Variants in PDE3B observed in about 807,000 individuals in gnomAD.
PDE3B encodes the protein phosphodiesterase 3B, also known as cGMP-inhibited 3',5'-cyclic phosphodiesterase 3B.
PDE3B carries 66 observed loss-of-function variants against 116.8 expected under a neutral mutation model. The ratio of observed to expected loss-of-function variants is 0.56; its 90% CI spans 0.46 to 0.69. The LOEUF is 0.69. Ranked by LOEUF, PDE3B falls within the 30% of genes least tolerant of loss-of-function variation. PDE3B has a pLI of 0.00. For synonymous variants in PDE3B, 595 were observed against 533.6 expected, an observed-to-expected ratio of 1.12 and a Z score of -1.59; for missense variants, 1,384 against 1,368.1, an observed-to-expected ratio of 1.01 and a Z score of -0.18.
At chr11:14,831,128 T>G (rs1196877293) in intron 8 of PDE3B, among the ~76,000 whole-genome samples, 1 of 151,714 alleles carries the variant, frequency 6.6e-6, no homozygotes, top group Admixed American at 6.6e-5. Context: ...TATTTTCTTT[T>G]GCGTATGTGA....
At chr11:14,756,594 C>T (rs1187463739) in intron 1 of PDE3B, among the ~76,000 whole-genome samples, 3 of 152,136 alleles carry the variant, frequency 2.0e-5, no homozygotes, top group Non-Finnish European at 4.4e-5. Flanking sequence ...GGCAAATAAC[C>T]TTTGGATGGA....
intron 5 of PDE3B, among the ~76,000 whole-genome samples, chr11:14,807,703 T>A (rs1264972768): frequency 6.6e-6 from 1 of 152,122 alleles, no homozygotes; most frequent in African/African-American, 2.4e-5. Flanking sequence ...CAGTATATTA[T>A]CTGAAATGTC....
intron 14 of PDE3B, among the ~76,000 whole-genome samples, chr11:14,866,232 T>C (rs1848043547): frequency 6.6e-6 from 1 of 152,188 alleles, no homozygotes; most frequent in Non-Finnish European, 1.5e-5. Context: ...TCTCAGAGAG[T>C]TTCACTTAAT....
intron 1 of PDE3B, among the ~76,000 whole-genome samples, chr11:14,709,618 T>C (rs890077119): frequency 6.6e-6 from 1 of 152,190 alleles, no homozygotes; most frequent in African/African-American, 2.4e-5. Context: ...TTTGTGTGTG[T>C]TCTGGCTGGT....
chr11:14,725,813 T>G (rs1263740110), intron 1 of PDE3B, among the ~76,000 whole-genome samples: 1 of 151,618 alleles, frequency 6.6e-6, no homozygotes, highest in Non-Finnish European at 1.5e-5. Flanking sequence ...TCTCCCAGCT[T>G]CCAATCTTGT....
At position 14,753,303 on chromosome 11, in the gene PDE3B, T is replaced by C. The variant is rs571696025; in HGVS notation, c.979-18634T>C. 2.4e-4 allele frequency among the ~76,000 whole-genome samples: 37 copies of C among 152,274 alleles called. No homozygotes were observed. The South Asian group carries it at 7.5e-3, about 31-fold the overall frequency. ...ATAAAGAAGGCCAGGAATATTGTTA[T>C]CAAAGAATCTAATAAAAGAGATGGA... On this transcript the variant is annotated intron_variant, in intron 1 of 15. Coordinates refer to ENST00000282096, the MANE Select transcript of PDE3B (RefSeq NM_000922.4).
chr11:14,854,379 G>C (rs1055524694), intron 12 of PDE3B, among the ~76,000 whole-genome samples: 6 of 152,134 alleles, frequency 3.9e-5, no homozygotes, highest in Non-Finnish European at 8.8e-5. Flanking sequence ...CTAATAGCTG[G>C]CACCCATTAT....
chr11:14,852,943 C>T (rs1847782236), intron 12 of PDE3B, among the ~76,000 whole-genome samples: 1 of 151,850 alleles, frequency 6.6e-6, no homozygotes, highest in South Asian at 2.1e-4. Context: ...TCACCTTACC[C>T]CTAGTAAATG....
At chr11:14,841,047 AT>A (rs1313817022) in intron 11 of PDE3B, among the ~76,000 whole-genome samples, 1 of 152,042 alleles carries the variant, frequency 6.6e-6, no homozygotes, top group Non-Finnish European at 1.5e-5. Flanking sequence ...CCTTCAGGGT[AT>A]TTTTTGGATG....
At chr11:14,800,105 C>T (rs2133930601) in intron 4 of PDE3B, among the ~76,000 whole-genome samples, 1 of 152,228 alleles carries the variant, frequency 6.6e-6, no homozygotes, top group South Asian at 2.1e-4. Context: ...CCTTCAGGAG[C>T]TCTTGTTAGG....
chr11:14,740,441 G>A (rs1856735158), intron 1 of PDE3B, among the ~76,000 whole-genome samples: 1 of 152,066 alleles, frequency 6.6e-6, no homozygotes, highest in African/African-American at 2.4e-5. Flanking sequence ...TGGGATCAGG[G>A]GTGATATCCC....
chr11:14,712,531 G>A (rs1855739703), intron 1 of PDE3B, among the ~76,000 whole-genome samples: 1 of 129,928 alleles, frequency 7.7e-6, no homozygotes, highest in African/African-American at 3.0e-5. Flanking sequence ...CTGGAGTGCA[G>A]TGGCATGATC....
chr11:14,723,078 C>G (rs1457477587), intron 1 of PDE3B, among the ~76,000 whole-genome samples: 1 of 152,148 alleles, frequency 6.6e-6, no homozygotes, highest in African/African-American at 2.4e-5. Flanking sequence ...TAGCTAATAA[C>G]AATAGATAAC....
At chr11:14,761,420 T>G (rs895336690) in intron 1 of PDE3B, among the ~76,000 whole-genome samples, 2 of 152,320 alleles carry the variant, frequency 1.3e-5, no homozygotes, top group Non-Finnish European at 2.9e-5. Context: ...ACCTGCCATT[T>G]TGTAGTAACA....
intron 1 of PDE3B, 26 bp from the exon 2 acceptor site, chr11:14,771,911 G>T (rs760189258): frequency 6.0e-6 from 7 of 1,167,658 alleles, no homozygotes; most frequent in Non-Finnish European, 5.9e-6. Context: ...TTTTTGGTTT[G>T]TAACCAAGTG....
chr11:14,726,815 A>C (rs1234786786), intron 1 of PDE3B, among the ~76,000 whole-genome samples: 1 of 152,194 alleles, frequency 6.6e-6, no homozygotes. Flanking sequence ...GGTAGAAATC[A>C]GACTGGAGTA....
chr11:14,841,559 T>A (rs887422430), intron 11 of PDE3B, among the ~76,000 whole-genome samples: 1 of 148,594 alleles, frequency 6.7e-6, no homozygotes, highest in Admixed American at 6.8e-5. Context: ...ACACAACAGC[T>A]AAGTGTATTA....
intron 12 of PDE3B, among the ~76,000 whole-genome samples, chr11:14,852,950 A>C (rs1234290735): frequency 1.3e-5 from 2 of 152,156 alleles, no homozygotes; most frequent in African/African-American, 4.8e-5. Context: ...ACCCCTAGTA[A>C]ATGACAATCA....
At chr11:14,756,437 T>G (rs1286501337) in intron 1 of PDE3B, among the ~76,000 whole-genome samples, 11 of 152,134 alleles carry the variant, frequency 7.2e-5, no homozygotes, top group Non-Finnish European at 1.5e-5. Context: ...AGCTGTGGCT[T>G]TTGGTGGAGG....
Sources: allele counts gnomAD v4.1 joint callset (sites outside exome capture counted in the v4.1 genomes callset), GRCh38; gene constraint gnomAD v4.1.1; transcripts MANE v1.5; gene names NCBI Gene and HGNC (gene_info 2026-07-23, HGNC 2026-07-21).